The following NBPF19 variants were observed in gnomAD, a reference collection of about 807,000 sequenced individuals.
The protein encoded by NBPF19 is NBPF family member NBPF19.
NBPF19 carries 30 observed loss-of-function variants against 45.9 expected under a neutral mutation model. The observed-to-expected ratio is 0.65, with a 90% CI of 0.49 to 0.89. NBPF19 has a LOEUF of 0.89. Among genes scored for constraint, NBPF19 ranks in the 40% least tolerant of loss-of-function variants. The pLI is 0.00. For missense variants in NBPF19, 495 were observed against 471.8 expected (o/e 1.05, Z -0.46); for synonymous variants, 183 against 181.2 (o/e 1.01, Z -0.08).
intron 7 of NBPF19, among the ~76,000 whole-genome samples, chr1:149,484,378 AG>A (rs2085387619): frequency 7.3e-6 from 1 of 136,814 alleles, no homozygotes; most frequent in Admixed American, 7.5e-5. Flanking sequence ...GGGTAGCATT[AG>A]GAGATATACC....
Position 149,554,542 on chromosome 1 carries a change from A to G in NBPF19, c.11336A>G (p.Asp3779Gly). Reference sequence around the variant, plus strand: ...GTGGAAGAGCCTGAAGTCTTACAGGACTCACTGGATGGATGTTATTCGACT... The same window carrying G: ...GTGGAAGAGCCTGAAGTCTTACAGGGCTCACTGGATGGATGTTATTCGACT... ...MEVEEPEVLQ[D>G]SLDGCYSTPS... is the part of the protein sequence containing the mutation. Residue 3779 changes from aspartate (D) to glycine (G), a missense_variant, in exon 94 of 94, where the codon GAC becomes GGC. By Grantham distance (94) the Asp-to-Gly change is moderately conservative. Transcript: ENST00000651566. The G allele has an allele frequency of 6.2e-7, 1 of 1,608,120 alleles. No homozygotes were observed. Among genetic ancestry groups the G allele is most frequent in the Non-Finnish European group, 8.5e-7 (1 of 1,176,686 alleles).
Position 149,554,766 on chromosome 1 carries a change from A to G in NBPF19, c.*28A>G, listed in dbSNP as rs2087205601. 1.2e-6 allele frequency: 2 copies of G among 1,607,552 alleles called. No homozygotes were observed. Among genetic ancestry groups the G allele is most frequent in the African/African-American group, 1.3e-5 (1 of 74,646 alleles). On this transcript the variant is annotated 3_prime_UTR_variant, in exon 94 of 94. Transcript: ENST00000651566. ...AGCCCTTACTAAGCCGAGAGATGTC[A>G]TTCCTGCAGGCAGGACCTATAGGCA... is the stretch of plus-strand genomic sequence containing the variant.
At chr1:149,487,208 C>T (rs1195749626) in intron 8 of NBPF19, 124 bp from the exon 9 acceptor site, 15 of 821,674 alleles carry the variant, frequency 1.8e-5, no homozygotes, top group Non-Finnish European at 2.5e-5. Flanking sequence ...TGCAATATTT[C>T]TCTCAAAGTC....
intron 2 of NBPF19, among the ~76,000 whole-genome samples, chr1:149,477,239 A>G (rs2084894249): frequency 1.3e-5 from 2 of 150,790 alleles, no homozygotes; most frequent in Middle Eastern, 3.4e-3. Context: ...TTTCCTGTCA[A>G]TCTCCTTGAA....
intron 9 of NBPF19, among the ~76,000 whole-genome samples, 192 bp from the exon 10 acceptor site, chr1:149,487,821 G>C (rs1476141103): frequency 7.3e-6 from 1 of 136,270 alleles, no homozygotes; most frequent in Admixed American, 7.7e-5. Flanking sequence ...GTGTGTGTGT[G>C]TGTCTTTCTC....
At chr1:149,479,210 T>G (rs1275396370) in intron 4 of NBPF19, 116 bp downstream of exon 4, 3 of 1,425,878 alleles carry the variant, frequency 2.1e-6, no homozygotes, top group Non-Finnish European at 3.0e-6. Context: ...TACACCTATG[T>G]GGCCATGACA....
chr1:149,487,907 C>G, intron 9 of NBPF19, 106 bp from the exon 10 acceptor site: 2 of 736,836 alleles, frequency 2.7e-6, no homozygotes, highest in South Asian at 1.4e-5. Flanking sequence ...ATGGATCTCT[C>G]CTTTTTCTTT....
chr1:149,554,345 A>G (rs1190643560), intron 93 of NBPF19, 150 bp from the exon 94 acceptor site: 4 of 1,429,324 alleles, frequency 2.8e-6, no homozygotes, highest in African/African-American at 1.5e-5. Context: ...CTATCCCAAC[A>G]TAAAGGCAAT....
At chr1:149,486,619 T>C (rs2085521479) in intron 8 of NBPF19, among the ~76,000 whole-genome samples, 1 of 151,332 alleles carries the variant, frequency 6.6e-6, no homozygotes, top group Non-Finnish European at 1.5e-5. Context: ...GATCAGCTCA[T>C]CTGAATTAAA....
chr1:149,484,287 A>G (rs1381857835), intron 7 of NBPF19, among the ~76,000 whole-genome samples: 1 of 101,744 alleles, frequency 9.8e-6, no homozygotes, highest in Non-Finnish European at 1.9e-5. Flanking sequence ...CACAGGTGGG[A>G]ATTGAACAAT....
At chr1:149,477,065 T>G (rs1320585704) in intron 2 of NBPF19, among the ~76,000 whole-genome samples, 1 of 150,170 alleles carries the variant, frequency 6.7e-6, no homozygotes, top group East Asian at 2.0e-4. Flanking sequence ...CACCGGAGAA[T>G]GTGTGGAAGC....
In NBPF19 at chr1:149,478,078, G is replaced by A. The variant is rs1259776816; in HGVS notation, c.278+31G>A. On this transcript the variant is annotated intron_variant, in intron 3 of 93. Coordinates refer to ENST00000651566, the MANE Select transcript of NBPF19 (RefSeq NM_001351365.2). The stretch of plus-strand genomic sequence containing the variant: ...GGGACCCCGTGGGGGGAGGGCAGGC[G>A]GGTAGGTGTGTAGATCTCTGAAGTA... The A allele has an allele frequency of 1.4e-5, 21 of 1,538,424 alleles. No individual in the cohort carries two copies. In the East Asian group the frequency reaches 1.8e-4, roughly 13 times the overall value.
chr1:149,487,760 TTGAC>T lies in NBPF19; in HGVS notation c.1041-249_1041-246del, dbSNP rs1259749851. ...CCTCATCAGTGTGTCACCTGACCAATTGACTGAGCTCGCTCTGTGTGTGTGTGTG... is the reference window on the plus strand; with the variant it reads ...CCTCATCAGTGTGTCACCTGACCAATTGAGCTCGCTCTGTGTGTGTGTGTG... On this transcript the variant is annotated intron_variant, in intron 9 of 93. Transcript: ENST00000651566. Among the ~76,000 whole-genome samples the T allele has an allele frequency of 1.2e-4, 17 of 147,738 alleles. 1 individual carries two copies. The highest frequency in any genetic ancestry group is 1.9e-4 in the Non-Finnish European group (13 of 66,784).
intron 2 of NBPF19, among the ~76,000 whole-genome samples, chr1:149,476,443 CA>C (rs2084823528): frequency 3.0e-5 from 1 of 33,622 alleles, no homozygotes; most frequent in African/African-American, 1.0e-4. Context: ...AGACAAATAA[CA>C]TCTAGTCTGT....
At chr1:149,479,772 G>C (rs1477863135) in intron 4 of NBPF19, among the ~76,000 whole-genome samples, 1 of 150,830 alleles carries the variant, frequency 6.6e-6, no homozygotes, top group Non-Finnish European at 1.5e-5. Context: ...CCTCTCCTAA[G>C]AGAAAGAATG....
At chr1:149,521,000 G>A (rs1352830762) in intron 51 of NBPF19, among the ~76,000 whole-genome samples, 6 of 40,958 alleles carry the variant, frequency 1.5e-4, no homozygotes, top group African/African-American at 5.9e-4. Context: ...TGTCATGAGG[G>A]CACTAACTCA....
chr1:149,528,935 TTCTCTC>T (rs1201885403), intron 61 of NBPF19, among the ~76,000 whole-genome samples: 115 of 120,986 alleles, frequency 9.5e-4, no homozygotes, highest in African/African-American at 1.6e-3. Context: ...ACTGAGCTCG[TTCTCTC>T]TCTCTGTGTG....
At chr1:149,477,212 A>G (rs1454332220) in intron 2 of NBPF19, among the ~76,000 whole-genome samples, 2 of 150,704 alleles carry the variant, frequency 1.3e-5, no homozygotes, top group East Asian at 2.0e-4. Context: ...AATTGCTGCA[A>G]TGAATTACAT....
rs9441411 is a variant in NBPF19 at position 149,483,598 on chromosome 1, G to A, written c.824+1372G>A. On this transcript the variant is annotated intron_variant, in intron 7 of 93. Coordinates refer to ENST00000651566, the MANE Select transcript of NBPF19 (RefSeq NM_001351365.2). ...ATGATGTTAGCTGGTTATTTCTTCC[G>A]TTAGTTGATGCAGTTTCTTCCTAGC... Among the ~76,000 whole-genome samples, 30 of 150,608 alleles carry A rather than the reference G, an allele frequency of 2.0e-4. 1 individual carries two copies. The East Asian group carries it at 3.3e-3, about 17-fold the overall frequency.
Sources: gnomAD v4.1 joint callset for allele counts (sites outside exome capture counted in the v4.1 genomes callset) on GRCh38, gnomAD v4.1.1 for gene constraint, MANE v1.5 for transcripts, NCBI Gene and HGNC (gene_info 2026-07-23, HGNC 2026-07-21) for gene names.